The following PDE10A variants were observed in gnomAD, a reference collection of about 807,000 sequenced individuals.
PDE10A encodes phosphodiesterase 10A.
A neutral mutation model predicts 97.7 loss-of-function variants in PDE10A; 39 were observed. The observed-to-expected ratio is 0.40, with a 90% CI of 0.31 to 0.52. PDE10A has a LOEUF of 0.52. Ranked by LOEUF, PDE10A falls within the 20% of genes least tolerant of loss-of-function variation. The pLI, the probability that PDE10A is intolerant of heterozygous loss-of-function variation, is 0.56. For synonymous variants in PDE10A, 371 were observed against 376.8 expected, an observed-to-expected ratio of 0.98 and a Z score of 0.18; for missense variants, 731 against 1,047.8, an observed-to-expected ratio of 0.70 and a Z score of 4.17.
intron 1 of PDE10A, among the ~76,000 whole-genome samples, chr6:165,622,339 G>T (rs115436511): frequency 0.018 from 2,796 of 152,158 alleles, 75 homozygotes; most frequent in African/African-American, 0.064. Flanking sequence ...CGTGAGAAAC[G>T]TGTTGCTAGT....
intron 1 of PDE10A, among the ~76,000 whole-genome samples, chr6:165,545,474 C>T (rs1783693482): frequency 6.6e-6 from 1 of 152,046 alleles, no homozygotes; most frequent in Non-Finnish European, 1.5e-5. Context: ...GACTTGTCAT[C>T]TCATTTCATC....
intron 1 of PDE10A, among the ~76,000 whole-genome samples, chr6:165,672,603 GT>G (rs1790677204): frequency 6.6e-6 from 1 of 152,162 alleles, no homozygotes; most frequent in Non-Finnish European, 1.5e-5. Flanking sequence ...CATGAAGGCA[GT>G]TTCCCCCATA....
intron 1 of PDE10A, among the ~76,000 whole-genome samples, chr6:165,579,099 T>C (rs1359844947): frequency 6.6e-6 from 1 of 152,118 alleles, no homozygotes; most frequent in African/African-American, 2.4e-5. Context: ...TCAAAAATTA[T>C]ATATGATGAA....
In PDE10A at chr6:165,619,241, GGTGTAGTGTAGTCTA is replaced by G. The variant is rs1193873173; in HGVS notation, c.865+42691_865+42705del. Among the ~76,000 whole-genome samples the G allele has an allele frequency of 2.7e-3, 301 of 109,778 alleles. 9 individuals carry two copies. The highest frequency in any genetic ancestry group is 0.013 in the African/African-American group (289 of 23,076). 72.0% of individuals were successfully genotyped at this position (109,778 alleles called of 152,430 possible). On this transcript the variant is annotated intron_variant, in intron 1 of 21. Coordinates refer to ENST00000539869, the MANE Select transcript of PDE10A (RefSeq NM_001385079.1). Reference sequence around the variant, plus strand: ...AGACTAGTGTAGTGTAGACTAGTGTGGTGTAGTGTAGTCTAGTGTAGTGTAGTCTAGCGTAGTGTA... The same window carrying G: ...AGACTAGTGTAGTGTAGACTAGTGTGGTGTAGTGTAGTCTAGCGTAGTGTA...
intron 3 of PDE10A, among the ~76,000 whole-genome samples, chr6:165,474,097 C>T (rs1779163815): frequency 6.6e-6 from 1 of 152,142 alleles, no homozygotes; most frequent in Admixed American, 6.5e-5. Flanking sequence ...GTTAATCCTC[C>T]TTTTTGGGGG....
At position 165,392,812 on chromosome 6, in the gene PDE10A, ATTG is replaced by A; in HGVS notation, c.2304-19_2304-17del. 6.2e-7 allele frequency: 1 copy of A among 1,612,620 alleles called. No homozygotes were observed. Among genetic ancestry groups the A allele is most frequent in the Non-Finnish European group, 8.5e-7 (1 of 1,178,968 alleles). On this transcript the variant is annotated splice_polypyrimidine_tract_variant and intron_variant, in intron 15 of 21. Transcript: ENST00000539869. ...AAGCTCAAAGCTGCATGGAAAAGAA[ATTG>A]TTATGACTGAAACCAGTAGAGAATC...
chr6:165,564,892 A>C (rs1784699474), intron 1 of PDE10A, among the ~76,000 whole-genome samples: 3 of 152,344 alleles, frequency 2.0e-5, no homozygotes, highest in African/African-American at 7.2e-5. Context: ...AGTAAGTATA[A>C]ATAGCTAGAA....
At chr6:165,524,788 T>TTA (rs1782332366) in intron 2 of PDE10A, among the ~76,000 whole-genome samples, 1 of 152,182 alleles carries the variant, frequency 6.6e-6, no homozygotes, top group African/African-American at 2.4e-5. Flanking sequence ...GTGTCTGCTG[T>TTA]TAAAGTGAGG....
rs1424827053 is a variant in PDE10A, at chr6:165,661,412, C to G, written c.865+535G>C. ...ACTGCGCGGGGTGGGAGGCCGGGCG[C>G]CCACTCCGAGTCCTGGAGAACGGCG... On this transcript the variant is annotated intron_variant, in intron 1 of 21. Coordinates refer to ENST00000539869, the MANE Select transcript of PDE10A (RefSeq NM_001385079.1). The surrounding 1 kb of genome is among the most constrained non-coding windows in gnomAD (Gnocchi z 4.8). The G allele has an allele frequency of 3.3e-5, 5 of 152,416 alleles. No individual in the cohort carries two copies. Among genetic ancestry groups the G allele is most frequent in the African/African-American group, 1.2e-4 (5 of 41,454 alleles). The allele number at this position is 152,416 out of a possible 1,614,324, so 9.4% of individuals were successfully genotyped here. A position where few individuals can be genotyped will look rare whatever the true frequency, so the allele number is the denominator to read the frequency against.
rs114101261 is a variant in PDE10A, at chr6:165,595,910, T to G, written c.866-52342A>C. On this transcript the variant is annotated intron_variant, in intron 1 of 21. Coordinates refer to ENST00000539869, the MANE Select transcript of PDE10A (RefSeq NM_001385079.1). ...AAAGGCCCCACATTCTAATACCATC[T>G]ACCTTGGTGATTATGTTCAACATAT... 5.8e-3 allele frequency among the ~76,000 whole-genome samples: 889 copies of G among 152,320 alleles called. 12 individuals carry two copies. The highest frequency in any genetic ancestry group is 0.02 in the African/African-American group (845 of 41,572).
intron 3 of PDE10A, among the ~76,000 whole-genome samples, chr6:165,477,394 G>T (rs1048598343): frequency 3.9e-5 from 6 of 152,100 alleles, no homozygotes; most frequent in African/African-American, 1.4e-4. Flanking sequence ...CACTGAGCAC[G>T]GTGCCTGTGT....
At chr6:165,786,276 G>C (rs1458603702) in intron 1 of PDE10A, among the ~76,000 whole-genome samples, 1 of 152,152 alleles carries the variant, frequency 6.6e-6, no homozygotes, top group African/African-American at 2.4e-5. Flanking sequence ...TTCAAAGGAG[G>C]GGTGACCCCA....
At chr6:165,441,094 T>C (rs962120741) in intron 5 of PDE10A, among the ~76,000 whole-genome samples, 3 of 152,214 alleles carry the variant, frequency 2.0e-5, no homozygotes, top group Non-Finnish European at 2.9e-5. Context: ...GTTGTTTTCT[T>C]TGCTAACCCC....
intron 1 of PDE10A, among the ~76,000 whole-genome samples, chr6:165,695,978 T>A (rs1457334818): frequency 6.6e-6 from 1 of 152,128 alleles, no homozygotes; most frequent in Non-Finnish European, 1.5e-5. Flanking sequence ...TGAACCTCTG[T>A]GTGAAGTCAA....
At chr6:165,967,444 C>A (rs1784544756) in intron 1 of PDE10A, among the ~76,000 whole-genome samples, 1 of 152,202 alleles carries the variant, frequency 6.6e-6, no homozygotes, top group Non-Finnish European at 1.5e-5. Context: ...TTGCAGTGAG[C>A]CAAGACTGTG....
chr6:165,708,151 C>A (rs573415453), intron 1 of PDE10A, among the ~76,000 whole-genome samples: 1 of 152,288 alleles, frequency 6.6e-6, no homozygotes, highest in Non-Finnish European at 1.5e-5. Context: ...GCCCCGGGAG[C>A]TGGGCTGTCA....
In PDE10A at chr6:165,662,022, C is replaced by T; in HGVS notation, c.790G>A (p.Gly264Ser). Residue 264 changes from glycine to serine, a missense_variant, in exon 1 of 22, where the codon GGC (glycine) becomes AGC (serine). This residue lies in a region of PDE10A where 181 missense variants were observed against 159.1 expected (regional missense o/e 1.14). Transcript: ENST00000539869. ...GAAGGTCCATCTTCCATGTCGGAGC[C>T]GAAGAGCAGCGCGGCCGCGGCGGCG... ...ALAAAAALLF[G>S]SDMEDGPSNN... is the part of the protein sequence containing the mutation. 2 of 1,502,422 alleles carry T rather than the reference C, an allele frequency of 1.3e-6. No homozygotes were observed. Among genetic ancestry groups the T allele is most frequent in the African/African-American group, 1.4e-5 (1 of 69,650 alleles). 93.1% of individuals were successfully genotyped at this position (1,502,422 alleles called of 1,614,324 possible). A position where few individuals can be genotyped will look rare whatever the true frequency, so the allele number is the denominator to read the frequency against.
intron 1 of PDE10A, among the ~76,000 whole-genome samples, chr6:165,931,219 G>A (rs1238005296): frequency 6.6e-6 from 1 of 152,174 alleles, no homozygotes; most frequent in African/African-American, 2.4e-5. Flanking sequence ...AGCTCTGACT[G>A]GCACTCATGA....
chr6:165,516,395 G>C (rs1562539023), intron 2 of PDE10A, among the ~76,000 whole-genome samples: 1 of 152,096 alleles, frequency 6.6e-6, no homozygotes, highest in Non-Finnish European at 1.5e-5. Context: ...ATGAGTCATA[G>C]TATTCTTAAT....
Sources: allele counts gnomAD v4.1 joint callset (sites outside exome capture counted in the v4.1 genomes callset), GRCh38; gene constraint gnomAD v4.1.1; regional missense constraint gnomAD v4.1.1; non-coding constraint Gnocchi (gnomAD v3.1); transcripts MANE v1.5; gene names NCBI Gene and HGNC (gene_info 2026-07-23, HGNC 2026-07-21).